The following SPAG16 variants were observed in gnomAD, a reference collection of about 807,000 sequenced individuals.
The protein encoded by SPAG16 is sperm-associated antigen 16 protein.
In SPAG16, 86 loss-of-function variants were observed where a neutral mutation model predicts 80.4. The observed-to-expected ratio is 1.07, with a 90% CI of 0.90 to 1.28. The LOEUF (loss-of-function observed/expected upper bound fraction) is 1.28, where lower values mean the gene tolerates loss of function less well. Ranked by LOEUF, SPAG16 falls within the 50% of genes most tolerant of loss-of-function variation. SPAG16 has a pLI of 0.00. For synonymous variants in SPAG16, 294 were observed against 265.9 expected (o/e 1.11, Z -1.03); for missense variants, 870 against 765.3 (o/e 1.14, Z -1.61).
chr2:214,092,773 G>C (rs2052309624), intron 13 of SPAG16, among the ~76,000 whole-genome samples: 1 of 151,920 alleles, frequency 6.6e-6, no homozygotes, highest in South Asian at 2.1e-4. Context: ...TTACCAGTAG[G>C]GTCCGTGTTG....
At chr2:214,291,558 G>A (rs942333242) in intron 15 of SPAG16, among the ~76,000 whole-genome samples, 3 of 151,868 alleles carry the variant, frequency 2.0e-5, no homozygotes, top group Non-Finnish European at 2.9e-5. Flanking sequence ...GCCCGCCTCG[G>A]CCTCCCAAAG....
intron 15 of SPAG16, among the ~76,000 whole-genome samples, chr2:214,181,306 G>A (rs2057300379): frequency 6.6e-6 from 1 of 151,726 alleles, no homozygotes; most frequent in Non-Finnish European, 1.5e-5. Flanking sequence ...TGAACATGAT[G>A]TAATGAACAG....
At chr2:213,391,424 T>C (rs1559082199) in intron 9 of SPAG16, among the ~76,000 whole-genome samples, 1 of 152,224 alleles carries the variant, frequency 6.6e-6, no homozygotes, top group Non-Finnish European at 1.5e-5. Flanking sequence ...GCAAATATTC[T>C]TTTAGAGTAT....
Position 213,342,779 on chromosome 2 carries a change from A to C in SPAG16, c.644+2509A>C, listed in dbSNP as rs1266079742. On this transcript the variant is annotated intron_variant, in intron 6 of 15. Transcript: ENST00000331683. Reference sequence around the variant, plus strand: ...ACTACATGACTGGACAAAATACATGAGGCAGTTTTTTTTTTAAGATGGTGG... The same window carrying C: ...ACTACATGACTGGACAAAATACATGCGGCAGTTTTTTTTTTAAGATGGTGG... Among the ~76,000 whole-genome samples, 4 of 151,954 alleles carry C rather than the reference A, an allele frequency of 2.6e-5. 1 individual carries two copies. The highest frequency in any genetic ancestry group is 9.6e-5 in the African/African-American group (4 of 41,456).
At chr2:213,334,405 A>G (rs924447436) in intron 5 of SPAG16, among the ~76,000 whole-genome samples, 4 of 152,208 alleles carry the variant, frequency 2.6e-5, no homozygotes, top group African/African-American at 7.2e-5. Flanking sequence ...CAGTTCCTCA[A>G]AAATCTAAAA....
At chr2:213,778,728 A>G (rs950124578) in intron 10 of SPAG16, among the ~76,000 whole-genome samples, 5 of 152,080 alleles carry the variant, frequency 3.3e-5, no homozygotes, top group African/African-American at 9.7e-5. Context: ...AACCTCTGCC[A>G]CTATCTCTAG....
At chr2:214,330,761 G>C (rs1187044411) in intron 15 of SPAG16, among the ~76,000 whole-genome samples, 3 of 152,182 alleles carry the variant, frequency 2.0e-5, no homozygotes, top group Non-Finnish European at 4.4e-5. Context: ...AGACCCAGGT[G>C]GGGGCCAAAA....
At chr2:214,313,810 A>G (rs17767617) in intron 15 of SPAG16, among the ~76,000 whole-genome samples, 14,318 of 152,136 alleles carry the variant, frequency 0.094, 801 homozygotes, top group Middle Eastern at 0.15. Flanking sequence ...GAATGGCAGC[A>G]TAACATTTAA....
intron 15 of SPAG16, among the ~76,000 whole-genome samples, chr2:214,380,508 G>T (rs1325405330): frequency 1.3e-5 from 2 of 152,214 alleles, no homozygotes; most frequent in African/African-American, 4.8e-5. Flanking sequence ...GGGACCCAAA[G>T]TTCTTTTATT....
chr2:213,872,617 G>C (rs1367947707), intron 11 of SPAG16, among the ~76,000 whole-genome samples: 1 of 151,974 alleles, frequency 6.6e-6, no homozygotes, highest in Non-Finnish European at 1.5e-5. Flanking sequence ...CGAACCTCCA[G>C]TGCAATGTTG....
intron 10 of SPAG16, among the ~76,000 whole-genome samples, chr2:213,519,125 C>A (rs1004020840): frequency 8.5e-5 from 13 of 152,122 alleles, no homozygotes; most frequent in Non-Finnish European, 1.6e-4. Context: ...TACCCGAGTG[C>A]AATATACCCA....
At chr2:213,793,129 T>C (rs1347042566) in intron 10 of SPAG16, among the ~76,000 whole-genome samples, 3 of 152,072 alleles carry the variant, frequency 2.0e-5, no homozygotes, top group African/African-American at 7.2e-5. Context: ...GGTTTCACCA[T>C]GTTGGTCAGG....
intron 10 of SPAG16, among the ~76,000 whole-genome samples, chr2:213,774,342 T>C (rs2069438847): frequency 6.6e-6 from 1 of 152,236 alleles, no homozygotes; most frequent in Admixed American, 6.5e-5. Context: ...TTTCTTGTCT[T>C]TTCTAGCTTC....
intron 15 of SPAG16, among the ~76,000 whole-genome samples, chr2:214,295,346 T>A (rs1335531941): frequency 6.6e-6 from 1 of 152,202 alleles, no homozygotes; most frequent in Non-Finnish European, 1.5e-5. Context: ...ACCCTAAACT[T>A]ACTCCACACT....
At chr2:213,339,802 A>G (rs2064576582) in intron 5 of SPAG16, among the ~76,000 whole-genome samples, 1 of 152,076 alleles carries the variant, frequency 6.6e-6, no homozygotes, top group South Asian at 2.1e-4. Flanking sequence ...ATTTTTAATA[A>G]TTTTGAATTG....
At chr2:214,048,086 G>C (rs1186812851) in intron 13 of SPAG16, among the ~76,000 whole-genome samples, 2 of 152,144 alleles carry the variant, frequency 1.3e-5, no homozygotes, top group South Asian at 4.1e-4. Flanking sequence ...CTCATACACT[G>C]TTGGTGGTAA....
In SPAG16 at chr2:213,361,088, A is replaced by C. The variant is rs191447387; in HGVS notation, c.763-2988A>C. Among the ~76,000 whole-genome samples the C allele has an allele frequency of 2.7e-3, 411 of 152,232 alleles. 5 individuals carry two copies. Among genetic ancestry groups the C allele is most frequent in the Non-Finnish European group, 2.6e-3 (177 of 68,006 alleles). ...AGTTTGCATATGAAAGAGTGAAAACACACTGTGGGATGACAAAAATCCGAT... is the reference window on the plus strand; with the variant it reads ...AGTTTGCATATGAAAGAGTGAAAACCCACTGTGGGATGACAAAAATCCGAT... On this transcript the variant is annotated intron_variant, in intron 7 of 15. Transcript: ENST00000331683.
intron 15 of SPAG16, among the ~76,000 whole-genome samples, chr2:214,191,191 G>A (rs1407108988): frequency 6.6e-6 from 1 of 152,066 alleles, no homozygotes; most frequent in Non-Finnish European, 1.5e-5. Context: ...AGCAGAAGCA[G>A]GGGTCCTTCA....
chr2:214,322,157 C>G (rs1337145592), intron 15 of SPAG16, among the ~76,000 whole-genome samples: 1 of 152,136 alleles, frequency 6.6e-6, no homozygotes, highest in Non-Finnish European at 1.5e-5. Flanking sequence ...TGTTTTAGAT[C>G]CCCCTCTTCC....
Sources: allele counts gnomAD v4.1 joint callset (sites outside exome capture counted in the v4.1 genomes callset), GRCh38; gene constraint gnomAD v4.1.1; transcripts MANE v1.5; gene names NCBI Gene and HGNC (gene_info 2026-07-23, HGNC 2026-07-21).